Variants in CCT4 observed in about 807,000 individuals in gnomAD.
The protein encoded by CCT4 is chaperonin containing TCP1 subunit 4, also known as T-complex protein 1 subunit delta.
In CCT4, 17 loss-of-function variants were observed where a neutral mutation model predicts 62.5. That is an observed-to-expected ratio of 0.27 (90% CI 0.19 to 0.41). CCT4 has a LOEUF of 0.41. CCT4 is among the 10% of genes least tolerant of loss of function. The pLI is 1.00. For missense variants in CCT4, 592 were observed against 659.2 expected, an observed-to-expected ratio of 0.90 and a Z score of 1.12; for synonymous variants, 250 against 229.9, an observed-to-expected ratio of 1.09 and a Z score of -0.79.
At chr2:61,873,320 C>A in intron 8 of CCT4, 27 bp from the exon 9 acceptor site, 1 of 1,276,194 alleles carries the variant, frequency 7.8e-7, no homozygotes, top group South Asian at 1.2e-5. Context: ...GTGATTATGT[C>A]AATGCTAGAT....
chr2:61,869,271 G>A (rs752481018), intron 13 of CCT4, among the ~76,000 whole-genome samples, 169 bp downstream of exon 13: 6 of 151,994 alleles, frequency 3.9e-5, no homozygotes, highest in Non-Finnish European at 8.8e-5. Context: ...CAGAGGCAGA[G>A]GTTGCAGTGA....
At chr2:61,883,433 A>AT in intron 3 of CCT4, 26 bp downstream of exon 3, 4 of 1,170,614 alleles carry the variant, frequency 3.4e-6, no homozygotes, top group Non-Finnish European at 3.7e-6. Context: ...AAAAAAAAAA[A>AT]AAGACTCACC....
rs1668840611 is a variant in CCT4 at position 61,869,493 on chromosome 2, C to A, written c.1552G>T (p.Ala518Ser). The A allele has an allele frequency of 6.2e-7, 1 of 1,612,852 alleles. No homozygotes were observed. The highest frequency in any genetic ancestry group is 8.5e-7 in the Non-Finnish European group (1 of 1,178,832). Residue 518 changes from alanine to serine, a missense_variant, in exon 13 of 14, where the codon GCT becomes TCT. Ala to Ser is a moderately conservative substitution (Grantham distance 99, BLOSUM62 1). Coordinates refer to ENST00000394440, the MANE Select transcript of CCT4 (RefSeq NM_006430.4). ...VVQPLLVSVS[A>S]LTLATETVRS... ...ACAGTTTCAGTTGCAAGAGTCAGAG[C>A]ACTGACTGATACCAACAGAGGCTGG... is the stretch of plus-strand genomic sequence containing the variant.
intron 2 of CCT4, among the ~76,000 whole-genome samples, chr2:61,884,042 G>GT: frequency 6.6e-6 from 1 of 152,092 alleles, no homozygotes; most frequent in South Asian, 2.1e-4. Context: ...ATAATCTATA[G>GT]TATCATCCAG....
intron 6 of CCT4, 91 bp from the exon 7 acceptor site, chr2:61,877,143 A>G (rs777503437): frequency 1.7e-4 from 199 of 1,170,264 alleles, no homozygotes; most frequent in Middle Eastern, 4.0e-4. Flanking sequence ...CATCAGTCCA[A>G]TAAAATATGA....
At chr2:61,874,009 T>C (rs1257056331) in intron 8 of CCT4, among the ~76,000 whole-genome samples, 4 of 152,148 alleles carry the variant, frequency 2.6e-5, no homozygotes, top group Non-Finnish European at 5.9e-5. Flanking sequence ...CTCATTTTTC[T>C]TAACAAATGA....
Position 61,873,071 on chromosome 2 carries a change from A to C in CCT4, c.1056T>G (p.Thr352=). 4 of 1,613,520 alleles carry C rather than the reference A, an allele frequency of 2.5e-6. No individual in the cohort carries two copies. The highest frequency in any genetic ancestry group is 3.4e-6 in the Non-Finnish European group (4 of 1,179,374). The change falls in exon 10 of 14, where the codon ACT becomes ACG. Residue 352 remains threonine (T), a synonymous_variant. Transcript: ENST00000394440. Reference sequence around the variant, plus strand: ...ACTCAGCAGAACCCAGCATGTCAGCAGTAAATTGGTCAATATGAGCAACTG... The same window carrying C: ...ACTCAGCAGAACCCAGCATGTCAGCCGTAAATTGGTCAATATGAGCAACTG... ...TKPVAHIDQF[T]ADMLGSAELA... is the part of the protein sequence containing the mutation.
At chr2:61,874,611 CAA>C (rs770666364) in intron 8 of CCT4, among the ~76,000 whole-genome samples, 15 of 123,652 alleles carry the variant, frequency 1.2e-4, no homozygotes, top group Non-Finnish European at 8.7e-5. Flanking sequence ...ACTGTGTCTC[CAA>C]AAAAAAAAAA....
At chr2:61,885,347 T>C (rs1669227500) in intron 1 of CCT4, among the ~76,000 whole-genome samples, 1 of 152,190 alleles carries the variant, frequency 6.6e-6, no homozygotes, top group Non-Finnish European at 1.5e-5. Context: ...AAATAATCTA[T>C]TGGCAACAAT....
chr2:61,887,254 A>C (rs1016075294), intron 1 of CCT4, among the ~76,000 whole-genome samples: 2 of 152,190 alleles, frequency 1.3e-5, no homozygotes, highest in Non-Finnish European at 2.9e-5. Context: ...TCTTACATCC[A>C]GCGTTACCTA....
At chr2:61,871,378 C>T (rs1668880905) in intron 12 of CCT4, among the ~76,000 whole-genome samples, 2 of 151,956 alleles carry the variant, frequency 1.3e-5, no homozygotes, top group Non-Finnish European at 2.9e-5. Context: ...AACCTTAAAG[C>T]CCACTATACC....
At chr2:61,888,092 C>T (rs766046270) in intron 1 of CCT4, 38 of 346,812 alleles carry the variant, frequency 1.1e-4, no homozygotes, top group Non-Finnish European at 1.7e-4. Flanking sequence ...ATGCAATCCT[C>T]GGCATTTTGA....
chr2:61,875,306 C>T (rs373956130), intron 8 of CCT4, among the ~76,000 whole-genome samples: 2 of 148,550 alleles, frequency 1.3e-5, no homozygotes, highest in East Asian at 2.0e-4. Context: ...AGGCTGGGTG[C>T]GGTGGCTCAT....
intron 9 of CCT4, 32 bp from the exon 10 acceptor site, chr2:61,873,144 A>G (rs953851016): frequency 6.7e-7 from 1 of 1,486,058 alleles, no homozygotes; most frequent in African/African-American, 1.4e-5. Context: ...ACAAATTAAG[A>G]CATTTATCTA....
intron 8 of CCT4, among the ~76,000 whole-genome samples, chr2:61,873,609 G>A (rs1329086749): frequency 3.9e-5 from 6 of 152,144 alleles, no homozygotes; most frequent in East Asian, 1.9e-4. Flanking sequence ...TTGTTGCCCA[G>A]GCTTGGAGTG....
At chr2:61,876,520 C>G (rs949600236) in intron 7 of CCT4, among the ~76,000 whole-genome samples, 12 of 152,130 alleles carry the variant, frequency 7.9e-5, no homozygotes, top group Non-Finnish European at 1.5e-4. Flanking sequence ...TAGGGTCCCT[C>G]TCTAATCTGT....
chr2:61,879,143 G>T, intron 4 of CCT4, 132 bp from the exon 5 acceptor site: 1 of 609,820 alleles, frequency 1.6e-6, no homozygotes, highest in Non-Finnish European at 2.8e-6. Context: ...TTATGCTTCA[G>T]TTGTAATATA....
At chr2:61,881,020 C>G (rs915416703) in intron 3 of CCT4, among the ~76,000 whole-genome samples, 1 of 152,100 alleles carries the variant, frequency 6.6e-6, no homozygotes, top group Admixed American at 6.6e-5. Flanking sequence ...CCACCATTCC[C>G]AGCCTCAGAG....
Position 61,873,182 on chromosome 2 carries a change from A to T in CCT4, c.1014+15T>A. ...TATCAGACATTTTCCACAAATACAG[A>T]TGTTAATGTTTTACCTTACAAATGA... On this transcript the variant is annotated intron_variant, in intron 9 of 13. Transcript: ENST00000394440. The T allele has an allele frequency of 7.1e-7, 1 of 1,413,552 alleles. No individual in the cohort carries two copies. Among genetic ancestry groups the T allele is most frequent in the Non-Finnish European group, 1.0e-6 (1 of 997,562 alleles). The allele number at this position is 1,413,552 out of a possible 1,614,324, so 87.6% of individuals were successfully genotyped here. A position where few individuals can be genotyped will look rare whatever the true frequency, so the allele number is the denominator to read the frequency against.
Sources: allele counts gnomAD v4.1 joint callset (sites outside exome capture counted in the v4.1 genomes callset), GRCh38; gene constraint gnomAD v4.1.1; transcripts MANE v1.5; gene names NCBI Gene and HGNC (gene_info 2026-07-23, HGNC 2026-07-21).